The following LRRTM4 variants were observed in gnomAD, a reference collection of about 807,000 sequenced individuals.
The protein encoded by LRRTM4 is leucine-rich repeat transmembrane neuronal protein 4.
Under a neutral mutation model 47.6 loss-of-function variants are expected in LRRTM4, and 25 were observed. The ratio of observed to expected loss-of-function variants is 0.53; its 90% CI spans 0.38 to 0.73. LRRTM4 has a LOEUF of 0.73. Ranked by LOEUF, LRRTM4 falls within the 30% of genes least tolerant of loss-of-function variation. LRRTM4 has a pLI of 0.00. For missense variants in LRRTM4, 638 were observed against 713.4 expected, an observed-to-expected ratio of 0.89 and a Z score of 1.20; for synonymous variants, 311 against 269.5, an observed-to-expected ratio of 1.15 and a Z score of -1.51.
In LRRTM4 at chr2:77,219,288, T is replaced by G. The variant is rs1674550311; in HGVS notation, c.1551+299030A>C. ...AGAAACAACTTTTGCACCATCTGGT[T>G]ATGTTTGCATCTACTTTGCCTATAT... On this transcript the variant is annotated intron_variant, in intron 3 of 3. Transcript: ENST00000409884. Among the ~76,000 whole-genome samples the G allele has an allele frequency of 2.0e-5, 3 of 152,176 alleles. No homozygotes were observed. The South Asian group carries it at 6.2e-4, about 32-fold the overall frequency.
At chr2:77,256,684 G>A (rs1159067666) in intron 3 of LRRTM4, among the ~76,000 whole-genome samples, 2 of 152,180 alleles carry the variant, frequency 1.3e-5, no homozygotes, top group African/African-American at 4.8e-5. Flanking sequence ...GTGAAACTGT[G>A]AGTCAATAAA....
chr2:76,750,696 G>A (rs959229989), intron 3 of LRRTM4, among the ~76,000 whole-genome samples: 7 of 152,138 alleles, frequency 4.6e-5, no homozygotes, highest in African/African-American at 7.2e-5. Flanking sequence ...GATGTCATTC[G>A]TCTGTTTACT....
chr2:77,265,424 A>AT (rs1676025903), intron 3 of LRRTM4, among the ~76,000 whole-genome samples: 1 of 151,956 alleles, frequency 6.6e-6, no homozygotes, highest in Admixed American at 6.6e-5. Context: ...TGAGCGTGGC[A>AT]TTTTCTCTCA....
At chr2:76,921,994 A>T (rs538470568) in intron 3 of LRRTM4, among the ~76,000 whole-genome samples, 1 of 152,272 alleles carries the variant, frequency 6.6e-6, no homozygotes, top group Non-Finnish European at 1.5e-5. Flanking sequence ...TTGTGGAAAT[A>T]ATCTTGCTAT....
At chr2:77,318,257 T>C (rs1677677509) in intron 3 of LRRTM4, among the ~76,000 whole-genome samples, 3 of 152,136 alleles carry the variant, frequency 2.0e-5, no homozygotes, top group South Asian at 2.1e-4. Context: ...CCACCAGCCT[T>C]GGCCTCCCAA....
intron 3 of LRRTM4, among the ~76,000 whole-genome samples, chr2:77,124,548 G>C (rs1266677866): frequency 6.6e-6 from 1 of 152,084 alleles, no homozygotes; most frequent in Admixed American, 6.6e-5. Flanking sequence ...AACAAGGTAA[G>C]GTGGATGTCT....
rs973981112 is a variant in LRRTM4 at position 76,780,577 on chromosome 2, A to C, written c.1552-31661T>G. ...GGCTCCTGAGGCTTCTGCATTCTTC[A>C]CGTAGTTCTCGAGCCTTGGTTTTCA... is the stretch of plus-strand genomic sequence containing the variant. On this transcript the variant is annotated intron_variant, in intron 3 of 3. Coordinates refer to ENST00000409884, the MANE Select transcript of LRRTM4 (RefSeq NM_001134745.3). 4.7e-4 allele frequency among the ~76,000 whole-genome samples: 72 copies of C among 151,822 alleles called. 1 individual carries two copies. The Middle Eastern group carries it at 0.01, about 22-fold the overall frequency.
At chr2:77,491,857 G>A (rs897303643) in intron 3 of LRRTM4, among the ~76,000 whole-genome samples, 2 of 151,762 alleles carry the variant, frequency 1.3e-5, no homozygotes, top group Non-Finnish European at 1.5e-5. Flanking sequence ...ACTATAAAAG[G>A]CACATTTTTG....
rs544129767 is a variant in LRRTM4, at chr2:76,841,014, T to G, written c.1552-92098A>C. On this transcript the variant is annotated intron_variant, in intron 3 of 3. Coordinates refer to ENST00000409884, the MANE Select transcript of LRRTM4 (RefSeq NM_001134745.3). Reference sequence around the variant, plus strand: ...GGCACTACTCACAATAGCAAAGACTTGGAACCAACCCAAATGTCCAACAAT... The same window carrying G: ...GGCACTACTCACAATAGCAAAGACTGGGAACCAACCCAAATGTCCAACAAT... 7.3e-5 allele frequency among the ~76,000 whole-genome samples: 11 copies of G among 151,112 alleles called. No individual in the cohort carries two copies. In the South Asian group the frequency reaches 2.3e-3, roughly 32 times the overall value.
intron 3 of LRRTM4, among the ~76,000 whole-genome samples, chr2:77,083,836 G>T (rs542243575): frequency 2.3e-4 from 22 of 97,756 alleles, no homozygotes; most frequent in African/African-American, 4.1e-4. Context: ...ACGGAGTCTC[G>T]CTCTGTCGCC....
intron 3 of LRRTM4, among the ~76,000 whole-genome samples, chr2:77,309,900 C>T (rs1677403347): frequency 6.6e-6 from 1 of 152,100 alleles, no homozygotes; most frequent in African/African-American, 2.4e-5. Context: ...CTGTTTGTGT[C>T]AATAAAGTTT....
At chr2:77,310,950 T>C (rs78994555) in intron 3 of LRRTM4, among the ~76,000 whole-genome samples, 6,676 of 151,642 alleles carry the variant, frequency 0.044, 507 homozygotes, top group African/African-American at 0.15. Flanking sequence ...AGAGAGAATA[T>C]TATATGTGCA....
chr2:76,988,722 C>T (rs987531264), intron 3 of LRRTM4, among the ~76,000 whole-genome samples: 5 of 151,898 alleles, frequency 3.3e-5, no homozygotes, highest in African/African-American at 1.2e-4. Flanking sequence ...CAAGAACTCT[C>T]GTCAGTTCCA....
At chr2:77,302,655 C>T (rs1031208488) in intron 3 of LRRTM4, among the ~76,000 whole-genome samples, 1 of 152,186 alleles carries the variant, frequency 6.6e-6, no homozygotes, top group Non-Finnish European at 1.5e-5. Context: ...ATTTCAACAG[C>T]AGAGGTATTT....
intron 3 of LRRTM4, among the ~76,000 whole-genome samples, chr2:76,789,166 T>G (rs1044945485): frequency 6.6e-6 from 1 of 152,188 alleles, no homozygotes; most frequent in African/African-American, 2.4e-5. Context: ...CACTCTCAAG[T>G]GGGGTTGCCA....
rs70939839 is a variant in LRRTM4, at chr2:76,992,840, A to AAAAG, written c.1552-243925_1552-243924insCTTT. Reference sequence around the variant, plus strand: ...AAGAAATCCTGAGGAAAAAAAAAAAAGCTGGGTGTATCATATTACTTGACT... The same window carrying AAAAG: ...AAGAAATCCTGAGGAAAAAAAAAAAAAAAGGCTGGGTGTATCATATTACTTGACT... On this transcript the variant is annotated intron_variant, in intron 3 of 3. Transcript: ENST00000409884. Among the ~76,000 whole-genome samples the AAAAG allele has an allele frequency of 9.6e-4, 141 of 146,424 alleles. 1 individual carries two copies. Among genetic ancestry groups the AAAAG allele is most frequent in the African/African-American group, 3.1e-3 (122 of 39,536 alleles).
At chr2:76,856,640 T>C (rs1021594622) in intron 3 of LRRTM4, among the ~76,000 whole-genome samples, 4 of 152,178 alleles carry the variant, frequency 2.6e-5, no homozygotes, top group Non-Finnish European at 5.9e-5. Context: ...TTGTTAATGG[T>C]TAAAATAAAT....
chr2:76,766,851 G>T (rs1295182063), intron 3 of LRRTM4, among the ~76,000 whole-genome samples: 2 of 152,132 alleles, frequency 1.3e-5, no homozygotes, highest in Non-Finnish European at 2.9e-5. Flanking sequence ...ACAATGTGCA[G>T]AATACCCTGT....
intron 3 of LRRTM4, among the ~76,000 whole-genome samples, chr2:77,105,456 C>T (rs1253595281): frequency 7.6e-6 from 1 of 131,638 alleles, no homozygotes; most frequent in Non-Finnish European, 1.5e-5. Flanking sequence ...GGGAATTGAA[C>T]AATGAGAACA....
Sources: allele counts gnomAD v4.1 joint callset (sites outside exome capture counted in the v4.1 genomes callset), GRCh38; gene constraint gnomAD v4.1.1; transcripts MANE v1.5; gene names NCBI Gene and HGNC (gene_info 2026-07-23, HGNC 2026-07-21).